Variants in SLC5A4 observed in about 807,000 individuals in gnomAD.
SLC5A4 encodes probable glucose sensor protein SLC5A4.
Under a neutral mutation model 70.3 loss-of-function variants are expected in SLC5A4, and 55 were observed. The ratio of observed to expected loss-of-function variants is 0.78; its 90% CI spans 0.63 to 0.98. The LOEUF (loss-of-function observed/expected upper bound fraction) is 0.98, where lower values mean the gene tolerates loss of function less well. Among genes scored for constraint, SLC5A4 ranks in the 50% least tolerant of loss-of-function variants. The probability of loss-of-function intolerance (pLI) is 0.00; values close to 1 mark genes in which losing one functional copy is unlikely to be tolerated. For synonymous variants in SLC5A4, 268 were observed against 305.7 expected (o/e 0.88, Z 1.29); for missense variants, 735 against 839.2 (o/e 0.88, Z 1.53).
chr22:32,316,830 G>A, the SLC5A4 span, among the ~76,000 whole-genome samples: 7 of 151,908 alleles, frequency 4.6e-5, no homozygotes, highest in East Asian at 1.9e-4. Context: ...GAGCCACCAC[G>A]CCCTGCCTAG....
chr22:32,283,286 A>G, the SLC5A4 span, among the ~76,000 whole-genome samples: 394 of 150,806 alleles, frequency 2.6e-3, 4 homozygotes, highest in African/African-American at 9.0e-3. Flanking sequence ...TGTCTCAGAT[A>G]TTCGCTGGGC....
chr22:32,312,520 T>G, the SLC5A4 span, among the ~76,000 whole-genome samples: 1 of 152,114 alleles, frequency 6.6e-6, no homozygotes, highest in African/African-American at 2.4e-5. Context: ...CAGCCAGAGT[T>G]GCTTTGTCTT....
the SLC5A4 span, among the ~76,000 whole-genome samples, chr22:32,351,738 G>C: frequency 4.6e-5 from 2 of 43,620 alleles, no homozygotes; most frequent in Non-Finnish European, 7.5e-5. Flanking sequence ...TGGGGGCGGT[G>C]GGGGGAGGGC....
At chr22:32,270,441 G>A in the SLC5A4 span, 3 of 1,239,604 alleles carry the variant, frequency 2.4e-6, no homozygotes, top group Non-Finnish European at 3.5e-6. Flanking sequence ...TGCCTAAGGA[G>A]GAGAAAGAGA....
At chr22:32,274,113 C>A in the SLC5A4 span, among the ~76,000 whole-genome samples, 1 of 150,458 alleles carries the variant, frequency 6.6e-6, no homozygotes, top group Non-Finnish European at 1.5e-5. Flanking sequence ...CATCTCGGCT[C>A]GCTGCAAGCT....
the SLC5A4 span, among the ~76,000 whole-genome samples, chr22:32,313,421 C>A: frequency 6.6e-6 from 1 of 152,148 alleles, no homozygotes; most frequent in Admixed American, 6.6e-5. Flanking sequence ...GATACAGATA[C>A]CATTCATACT....
chr22:32,319,920 T>C, the SLC5A4 span, among the ~76,000 whole-genome samples: 8 of 152,006 alleles, frequency 5.3e-5, no homozygotes, highest in African/African-American at 1.9e-4. Context: ...CAGCACTCAA[T>C]TAAGATGAAC....
the SLC5A4 span, among the ~76,000 whole-genome samples, chr22:32,329,931 G>A: frequency 3.5e-5 from 2 of 56,854 alleles, no homozygotes; most frequent in Non-Finnish European, 6.7e-5. Context: ...GGGCTCTGGT[G>A]TGTGTGTTGG....
chr22:32,319,361 G>C, the SLC5A4 span, among the ~76,000 whole-genome samples: 1 of 151,684 alleles, frequency 6.6e-6, no homozygotes, highest in South Asian at 2.1e-4. Context: ...AGCTCTTCTG[G>C]GTCTCAGACC....
At chr22:32,328,497 T>G in the SLC5A4 span, among the ~76,000 whole-genome samples, 12 of 152,262 alleles carry the variant, frequency 7.9e-5, no homozygotes, top group African/African-American at 1.9e-4. Context: ...TGTCATGCCA[T>G]GAGCTACCCT....
intron 12 of SLC5A4, 71 bp from the exon 13 acceptor site, chr22:32,224,553 T>A: frequency 8.1e-7 from 1 of 1,232,156 alleles, no homozygotes; most frequent in Non-Finnish European, 1.2e-6. Context: ...AAGTCATCAT[T>A]ATAATCCTGC....
At chr22:32,309,743 G>A in the SLC5A4 span, among the ~76,000 whole-genome samples, 4 of 152,106 alleles carry the variant, frequency 2.6e-5, no homozygotes, top group Admixed American at 1.3e-4. Flanking sequence ...AGCAAGGGCC[G>A]TGACCCCCTG....
At chr22:32,305,145 T>A in the SLC5A4 span, among the ~76,000 whole-genome samples, 1 of 152,038 alleles carries the variant, frequency 6.6e-6, no homozygotes, top group Non-Finnish European at 1.5e-5. Context: ...AGACCTTAAT[T>A]TGGGTTATTA....
chr22:32,241,248 C>T (rs1569376163), intron 5 of SLC5A4, among the ~76,000 whole-genome samples: 2 of 152,222 alleles, frequency 1.3e-5, no homozygotes, highest in Admixed American at 6.5e-5. Flanking sequence ...GCTTTAATAA[C>T]CAGTGGGCAA....
the SLC5A4 span, among the ~76,000 whole-genome samples, chr22:32,323,961 C>A: frequency 1.3e-5 from 2 of 152,074 alleles, no homozygotes; most frequent in Non-Finnish European, 2.9e-5. Flanking sequence ...TGGCAGAGGC[C>A]TCCCGATGGC....
At chr22:32,317,858 T>C in the SLC5A4 span, among the ~76,000 whole-genome samples, 1 of 152,212 alleles carries the variant, frequency 6.6e-6, no homozygotes, top group African/African-American at 2.4e-5. Context: ...TGGAGGTGAC[T>C]GCTTGGAAGG....
At chr22:32,279,688 A>G in the SLC5A4 span, among the ~76,000 whole-genome samples, 1 of 152,198 alleles carries the variant, frequency 6.6e-6, no homozygotes, top group African/African-American at 2.4e-5. Context: ...TCACCTCTAA[A>G]GGCTCCACCT....
the SLC5A4 span, among the ~76,000 whole-genome samples, chr22:32,273,792 C>T: frequency 2.0e-5 from 3 of 150,848 alleles, no homozygotes; most frequent in Non-Finnish European, 4.4e-5. Flanking sequence ...AACAAACAAA[C>T]AAGCAAACAA....
At chr22:32,266,261 C>T in the SLC5A4 span, among the ~76,000 whole-genome samples, 17 of 152,042 alleles carry the variant, frequency 1.1e-4, no homozygotes, top group African/African-American at 3.9e-4. Flanking sequence ...GCCAGGGGCC[C>T]GTGTCTTTTG....
Sources: gnomAD v4.1 joint callset for allele counts (sites outside exome capture counted in the v4.1 genomes callset) on GRCh38, gnomAD v4.1.1 for gene constraint, MANE v1.5 for transcripts, NCBI Gene and HGNC (gene_info 2026-07-23, HGNC 2026-07-21) for gene names.